The following DGKI variants were observed in gnomAD, a reference collection of about 807,000 sequenced individuals.
DGKI encodes diacylglycerol kinase iota, also known as DAG kinase iota.
A neutral mutation model predicts 147.5 loss-of-function variants in DGKI; 55 were observed. The ratio of observed to expected loss-of-function variants is 0.37; its 90% CI spans 0.30 to 0.47. The LOEUF is 0.47. Ranked by LOEUF, DGKI falls within the 20% of genes least tolerant of loss-of-function variation. The pLI is 1.00. For missense variants in DGKI, 1,007 were observed against 1,323.8 expected (o/e 0.76, Z 3.71); for synonymous variants, 469 against 477.1 (o/e 0.98, Z 0.22).
At chr7:137,712,552 A>G (rs1794247477) in intron 1 of DGKI, among the ~76,000 whole-genome samples, 1 of 152,220 alleles carries the variant, frequency 6.6e-6, no homozygotes, top group Non-Finnish European at 1.5e-5. Context: ...GCTGCTGTCC[A>G]AAGCTGTCAC....
At chr7:137,450,941 C>T (rs1166359279) in intron 27 of DGKI, among the ~76,000 whole-genome samples, 1 of 151,712 alleles carries the variant, frequency 6.6e-6, no homozygotes, top group Non-Finnish European at 1.5e-5. Context: ...CTAGCATACA[C>T]AGAGAAACTT....
chr7:137,569,862 A>C (rs1818736280), intron 19 of DGKI, among the ~76,000 whole-genome samples: 1 of 149,828 alleles, frequency 6.7e-6, no homozygotes, highest in Non-Finnish European at 1.5e-5. Context: ...AAAGCTCTGG[A>C]GATAAGGAGC....
intron 1 of DGKI, among the ~76,000 whole-genome samples, chr7:137,844,629 C>A (rs1798656334): frequency 6.6e-6 from 1 of 152,192 alleles, no homozygotes; most frequent in Non-Finnish European, 1.5e-5. Context: ...TGTTATTATT[C>A]TTCTATAGAA....
At chr7:137,826,923 A>C (rs1168107363) in intron 1 of DGKI, among the ~76,000 whole-genome samples, 1 of 152,170 alleles carries the variant, frequency 6.6e-6, no homozygotes, top group Non-Finnish European at 1.5e-5. Context: ...TCACGTTCAA[A>C]CTCTGTGGAC....
intron 1 of DGKI, among the ~76,000 whole-genome samples, chr7:137,770,389 G>T (rs1009871794): frequency 6.6e-6 from 1 of 151,928 alleles, no homozygotes; most frequent in Non-Finnish European, 1.5e-5. Context: ...CCTAGATGAC[G>T]GGTTGATAGG....
At chr7:137,435,108 G>C (rs943329659) in intron 28 of DGKI, among the ~76,000 whole-genome samples, 8 of 152,160 alleles carry the variant, frequency 5.3e-5, no homozygotes, top group Non-Finnish European at 1.0e-4. Context: ...GAAAGTTTCT[G>C]TTTGCCAACA....
At chr7:137,564,237 T>A (rs1219334191) in intron 19 of DGKI, among the ~76,000 whole-genome samples, 1 of 152,186 alleles carries the variant, frequency 6.6e-6, no homozygotes, top group Admixed American at 6.5e-5. Flanking sequence ...TTGAGCTGAA[T>A]CATATACTTA....
intron 23 of DGKI, among the ~76,000 whole-genome samples, chr7:137,476,472 A>G (rs1162560474): frequency 1.3e-5 from 2 of 152,158 alleles, no homozygotes; most frequent in Non-Finnish European, 2.9e-5. Flanking sequence ...ATACTTGATA[A>G]AATTTCACTC....
At chr7:137,447,257 A>C (rs540900876) in intron 27 of DGKI, among the ~76,000 whole-genome samples, 78 of 152,348 alleles carry the variant, frequency 5.1e-4, no homozygotes, top group African/African-American at 1.8e-3. Flanking sequence ...TCAATTTATT[A>C]CTTGAGACCC....
chr7:137,390,353 C>G lies in DGKI; in HGVS notation c.*867G>C, dbSNP rs150543361. Reference sequence around the variant, plus strand: ...AGTGGTTCTGCAAACTAGCTGTGGGCCTCTGTTTAATCCTTTGCTCATCTT... The same window carrying G: ...AGTGGTTCTGCAAACTAGCTGTGGGGCTCTGTTTAATCCTTTGCTCATCTT... On this transcript the variant is annotated 3_prime_UTR_variant, in exon 33 of 33. Coordinates refer to ENST00000614521, the MANE Select transcript of DGKI (RefSeq NM_001321708.2). The G allele has an allele frequency of 1.2e-4, 18 of 152,736 alleles. No homozygotes were observed. The highest frequency in any genetic ancestry group is 4.3e-4 in the African/African-American group (18 of 41,566). 9.5% of individuals were successfully genotyped at this position (152,736 alleles called of 1,614,324 possible).
chr7:137,596,715 C>G (rs1032477780), intron 12 of DGKI, among the ~76,000 whole-genome samples: 29 of 152,190 alleles, frequency 1.9e-4, no homozygotes, highest in Admixed American at 1.0e-3. Context: ...ATTGTTTTTA[C>G]TCTCCACACA....
intron 1 of DGKI, among the ~76,000 whole-genome samples, chr7:137,841,786 C>A (rs562820003): frequency 1.7e-4 from 26 of 152,222 alleles, no homozygotes; most frequent in African/African-American, 6.0e-4. Context: ...CTAGAAAGTG[C>A]GGTGTTGGAA....
chr7:137,586,200 G>A (rs1279369748), intron 13 of DGKI, among the ~76,000 whole-genome samples: 1 of 152,098 alleles, frequency 6.6e-6, no homozygotes, highest in Non-Finnish European at 1.5e-5. Flanking sequence ...GCTGAGGCTG[G>A]TGGATCACGA....
intron 1 of DGKI, among the ~76,000 whole-genome samples, chr7:137,804,385 A>G (rs895747081): frequency 6.6e-6 from 1 of 152,256 alleles, no homozygotes; most frequent in Non-Finnish European, 1.5e-5. Flanking sequence ...CTGCTTCAAT[A>G]AGATTTAATT....
intron 21 of DGKI, among the ~76,000 whole-genome samples, chr7:137,517,366 AG>A (rs1339077065): frequency 1.5e-5 from 2 of 133,598 alleles, no homozygotes; most frequent in Non-Finnish European, 3.2e-5. Context: ...GGAAAGAAAG[AG>A]GGAGAGAGAG....
intron 3 of DGKI, among the ~76,000 whole-genome samples, chr7:137,669,039 T>C (rs894606763): frequency 6.6e-6 from 1 of 152,220 alleles, no homozygotes; most frequent in Non-Finnish European, 1.5e-5. Context: ...ATTTTCCAGA[T>C]GTAAAACTTA....
chr7:137,391,338 T>C lies in DGKI; in HGVS notation c.3058-2A>G. 6.6e-7 allele frequency: 1 copy of C among 1,521,360 alleles called. No homozygotes were observed. Among genetic ancestry groups the C allele is most frequent in the South Asian group, 1.3e-5 (1 of 78,746 alleles). The allele number at this position is 1,521,360 out of a possible 1,614,324, so 94.2% of individuals were successfully genotyped here. A position where few individuals can be genotyped will look rare whatever the true frequency, so the allele number is the denominator to read the frequency against. ...TGCTCTTTCTTGAGGTGTCTTACCC[T>C]ATACGAAAATAGTGAGAAAAAAAAA... On this transcript the variant is annotated splice_acceptor_variant, in intron 32 of 32. Transcript: ENST00000614521. LOFTEE classifies it high-confidence loss of function.
chr7:137,497,750 C>A (rs185066429), intron 21 of DGKI, among the ~76,000 whole-genome samples: 1 of 151,936 alleles, frequency 6.6e-6, no homozygotes, highest in Non-Finnish European at 1.5e-5. Context: ...ACAAATATTC[C>A]CCACCTTTGT....
At chr7:137,462,607 T>C (rs1563033119) in intron 27 of DGKI, among the ~76,000 whole-genome samples, 1 of 152,262 alleles carries the variant, frequency 6.6e-6, no homozygotes, top group Non-Finnish European at 1.5e-5. Flanking sequence ...TTTGCCTCTT[T>C]AGTTAACCCT....
Sources: gnomAD v4.1 joint callset for allele counts (sites outside exome capture counted in the v4.1 genomes callset) on GRCh38, gnomAD v4.1.1 for gene constraint, MANE v1.5 for transcripts, NCBI Gene and HGNC (gene_info 2026-07-23, HGNC 2026-07-21) for gene names.